MEIS1: variants seen among roughly 807,000 people sequenced by gnomAD.
MEIS1 encodes the protein homeobox protein Meis1.
Under a neutral mutation model 50.8 loss-of-function variants are expected in MEIS1, and 5 were observed. The ratio of observed to expected loss-of-function variants is 0.10; its 90% confidence interval spans 0.05 to 0.21. MEIS1 has a LOEUF of 0.21. MEIS1 is among the 10% of genes least tolerant of loss of function. The pLI is 1.00. For missense variants in MEIS1, 318 were observed against 517.3 expected (o/e 0.61, Z 3.74); for synonymous variants, 176 against 179.3 (o/e 0.98, Z 0.15).
chr2:66,566,142 G>A (rs977833328), intron 9 of MEIS1, among the ~76,000 whole-genome samples: 4 of 152,084 alleles, frequency 2.6e-5, no homozygotes, highest in African/African-American at 9.7e-5. Context: ...AATATGTATT[G>A]CCAACAAGAA....
At chr2:66,510,656 T>C (rs1353871145) in intron 7 of MEIS1, among the ~76,000 whole-genome samples, 2 of 152,160 alleles carry the variant, frequency 1.3e-5, no homozygotes, top group African/African-American at 4.8e-5. Flanking sequence ...CAACAAACTT[T>C]CTAAACTTCA....
At chr2:66,436,521 G>A (rs1671799803) in intron 1 of MEIS1, among the ~76,000 whole-genome samples, 1 of 152,184 alleles carries the variant, frequency 6.6e-6, no homozygotes, top group Non-Finnish European at 1.5e-5. Flanking sequence ...AGTAAAGTGA[G>A]ACAATGACAA....
chr2:66,471,429 G>A (rs56261795), intron 7 of MEIS1, among the ~76,000 whole-genome samples: 1 of 152,164 alleles, frequency 6.6e-6, no homozygotes, highest in East Asian at 1.9e-4. Flanking sequence ...CTGTCTACTG[G>A]CCACTGTTAC....
intron 8 of MEIS1, among the ~76,000 whole-genome samples, chr2:66,538,112 CA>C (rs1231056109): frequency 1.1e-4 from 16 of 152,050 alleles, no homozygotes; most frequent in African/African-American, 3.9e-4. Flanking sequence ...GGAATTTTGT[CA>C]CAAATAAACC....
At chr2:66,498,142 G>A (rs1430700895) in intron 7 of MEIS1, among the ~76,000 whole-genome samples, 1 of 152,140 alleles carries the variant, frequency 6.6e-6, no homozygotes, top group Non-Finnish European at 1.5e-5. Context: ...CTTTGAGTGG[G>A]GGATTCAGAT....
At chr2:66,483,824 G>A (rs1673076014) in intron 7 of MEIS1, among the ~76,000 whole-genome samples, 1 of 152,178 alleles carries the variant, frequency 6.6e-6, no homozygotes, top group Non-Finnish European at 1.5e-5. Flanking sequence ...AAGGTTGAGT[G>A]TCCTTGGGGG....
At chr2:66,456,170 C>G in intron 6 of MEIS1, among the ~76,000 whole-genome samples, 1 of 151,766 alleles carries the variant, frequency 6.6e-6, no homozygotes. Flanking sequence ...AAATATGGAA[C>G]TCTATTTAAC....
intron 7 of MEIS1, among the ~76,000 whole-genome samples, chr2:66,479,595 G>A (rs1477051949): frequency 6.6e-6 from 1 of 152,108 alleles, no homozygotes; most frequent in African/African-American, 2.4e-5. Flanking sequence ...TTATAAAAAT[G>A]CAATAGACTT....
At chr2:66,509,059 G>T (rs1025810107) in intron 7 of MEIS1, 1 of 471,642 alleles carries the variant, frequency 2.1e-6, no homozygotes, top group Admixed American at 2.3e-5. Context: ...AAAAAGGAAA[G>T]AAATTCTCGA....
At chr2:66,549,865 G>C (rs765291782) in intron 9 of MEIS1, among the ~76,000 whole-genome samples, 2 of 152,138 alleles carry the variant, frequency 1.3e-5, no homozygotes, top group African/African-American at 2.4e-5. Context: ...TACTATGGGT[G>C]GACGGCCTTA....
At chr2:66,534,190 G>A (rs1674463576) in intron 8 of MEIS1, among the ~76,000 whole-genome samples, 1 of 152,102 alleles carries the variant, frequency 6.6e-6, no homozygotes, top group Admixed American at 6.6e-5. Flanking sequence ...GGGTTCTAAG[G>A]ACTTAACTTT....
At chr2:66,569,210 T>C in intron 12 of MEIS1, 65 bp downstream of exon 12, 2 of 1,343,468 alleles carry the variant, frequency 1.5e-6, no homozygotes, top group Non-Finnish European at 2.1e-6. Context: ...TGCATTTTCT[T>C]ATGTTCTCCT....
chr2:66,516,577 T>TTG (rs59154318), intron 8 of MEIS1, among the ~76,000 whole-genome samples: 1,702 of 148,202 alleles, frequency 0.011, 18 homozygotes, highest in South Asian at 0.024. Context: ...CCTGGAAAAT[T>TTG]TGTGTGTGTG....
chr2:66,527,920 A>G (rs1450672877), intron 8 of MEIS1, among the ~76,000 whole-genome samples: 1 of 152,092 alleles, frequency 6.6e-6, no homozygotes, highest in Non-Finnish European at 1.5e-5. Flanking sequence ...AGGGCCTACT[A>G]TGTACAAGGA....
At chr2:66,504,169 T>G (rs1165879215) in intron 7 of MEIS1, among the ~76,000 whole-genome samples, 1 of 152,138 alleles carries the variant, frequency 6.6e-6, no homozygotes, top group Middle Eastern at 3.2e-3. Flanking sequence ...GTTTCTGTGA[T>G]GTCAGGAGTC....
rs146295442 is a variant in MEIS1 at position 66,537,658 on chromosome 2, A to G, written c.889-10285A>G. On this transcript the variant is annotated intron_variant, in intron 8 of 12. Coordinates refer to ENST00000272369, the MANE Select transcript of MEIS1 (RefSeq NM_002398.3). ...GGATTTTTCCTGAATAATTAATGCT[A>G]GACAGGGCATCTGTAAAGGCAATAA... 5.9e-5 allele frequency among the ~76,000 whole-genome samples: 9 copies of G among 152,316 alleles called. No individual in the cohort carries two copies. The East Asian group carries it at 1.5e-3, about 26-fold the overall frequency.
intron 7 of MEIS1, among the ~76,000 whole-genome samples, chr2:66,464,740 A>G (rs1279850663): frequency 1.3e-5 from 2 of 152,210 alleles, no homozygotes; most frequent in Non-Finnish European, 2.9e-5. Context: ...TTGCAAAGCC[A>G]GACTAAATAA....
Position 66,549,181 on chromosome 2 carries a change from A to G in MEIS1, c.965+1162A>G, listed in dbSNP as rs796821638. ...TTTAGTATTTTAGAGATAACAAGCTACTTACAATATATTTGCCTTTGGAGG... is the reference window on the plus strand; with the variant it reads ...TTTAGTATTTTAGAGATAACAAGCTGCTTACAATATATTTGCCTTTGGAGG... On this transcript the variant is annotated intron_variant, in intron 9 of 12. Transcript: ENST00000272369. Among the ~76,000 whole-genome samples the G allele has an allele frequency of 4.6e-5, 7 of 152,200 alleles. No homozygotes were observed. In the South Asian group the frequency reaches 1.4e-3, roughly 31 times the overall value.
intron 8 of MEIS1, among the ~76,000 whole-genome samples, chr2:66,532,744 A>G (rs1183160401): frequency 2.6e-5 from 4 of 152,160 alleles, no homozygotes; most frequent in Admixed American, 2.6e-4. Context: ...AAATGATGGA[A>G]TTTTGCATTT....
Sources: gnomAD v4.1 joint callset for allele counts (sites outside exome capture counted in the v4.1 genomes callset) on GRCh38, gnomAD v4.1.1 for gene constraint, MANE v1.5 for transcripts, NCBI Gene and HGNC (gene_info 2026-07-23, HGNC 2026-07-21) for gene names.